GALNT13: variants seen among roughly 807,000 people sequenced by gnomAD.
GALNT13 encodes the protein UDP-GalNAc:polypeptide N-acetylgalactosaminyltransferase 13.
GALNT13 carries 28 observed loss-of-function variants against 64.2 expected under a neutral mutation model. The ratio of observed to expected loss-of-function variants is 0.44; its 90% CI spans 0.32 to 0.60. The LOEUF is 0.60. GALNT13 is among the 20% of genes least tolerant of loss of function. GALNT13 has a pLI of 0.05. For missense variants in GALNT13, 577 were observed against 669.8 expected (o/e 0.86, Z 1.53); for synonymous variants, 214 against 224.6 (o/e 0.95, Z 0.42).
At chr2:153,606,574 G>A in the GALNT13 span, among the ~76,000 whole-genome samples, 14 of 152,044 alleles carry the variant, frequency 9.2e-5, no homozygotes, top group Non-Finnish European at 1.8e-4. Context: ...ATGTGGCCCA[G>A]GGAGGCCAAA....
chr2:153,089,309 C>T, the GALNT13 span, among the ~76,000 whole-genome samples: 1 of 152,168 alleles, frequency 6.6e-6, no homozygotes, highest in Non-Finnish European at 1.5e-5. Flanking sequence ...ACCCCAGTCC[C>T]TTCTGGCTTG....
chr2:154,013,174 G>A (rs1696760936), intron 3 of GALNT13, among the ~76,000 whole-genome samples: 1 of 150,810 alleles, frequency 6.6e-6, no homozygotes, highest in Non-Finnish European at 1.5e-5. Context: ...ATCTTTCTGG[G>A]CTGATGTTCT....
the GALNT13 span, among the ~76,000 whole-genome samples, chr2:153,791,907 T>C: frequency 6.6e-6 from 1 of 152,038 alleles, no homozygotes; most frequent in Admixed American, 6.6e-5. Context: ...TACTGGAGCA[T>C]ACTTGAGGGT....
the GALNT13 span, among the ~76,000 whole-genome samples, chr2:153,546,251 A>G: frequency 5.3e-5 from 8 of 152,226 alleles, no homozygotes; most frequent in African/African-American, 1.9e-4. Flanking sequence ...GCTTAGAATG[A>G]AATTAAATGG....
the GALNT13 span, among the ~76,000 whole-genome samples, chr2:153,267,331 C>T: frequency 1.3e-5 from 2 of 152,180 alleles, no homozygotes; most frequent in African/African-American, 2.4e-5. Context: ...CTCTGCATTG[C>T]CCTAGTAGAG....
chr2:154,096,874 A>C (rs960474621), intron 3 of GALNT13, among the ~76,000 whole-genome samples: 1 of 152,046 alleles, frequency 6.6e-6, no homozygotes, highest in Non-Finnish European at 1.5e-5. Context: ...GCTTATTAAG[A>C]GGGCAAAATT....
chr2:153,439,647 C>T, the GALNT13 span, among the ~76,000 whole-genome samples: 16 of 152,110 alleles, frequency 1.1e-4, no homozygotes, highest in Non-Finnish European at 1.8e-4. Flanking sequence ...CCTGGTGTGC[C>T]GTTTGTTAAG....
In GALNT13 at chr2:153,882,631, CT is replaced by C. The variant is rs113940624; in HGVS notation, c.-177+10342del. On this transcript the variant is annotated intron_variant, in intron 1 of 12. Coordinates refer to ENST00000392825, the MANE Select transcript of GALNT13 (RefSeq NM_052917.4). ...ACTTTTTATTCCTTTATATTCTTTA[CT>C]TTTTTTTTTTTTTCTTGAGCCAGGG... is the stretch of plus-strand genomic sequence containing the variant. Among the ~76,000 whole-genome samples the C allele has an allele frequency of 2.5e-3, 358 of 143,462 alleles. 1 individual carries two copies. The highest frequency in any genetic ancestry group is 5.3e-3 in the African/African-American group (211 of 39,462). The allele number at this position is 143,462 out of a possible 152,430, so 94.1% of individuals were successfully genotyped here.
the GALNT13 span, among the ~76,000 whole-genome samples, chr2:153,196,931 T>C: frequency 6.6e-6 from 1 of 152,180 alleles, no homozygotes; most frequent in Middle Eastern, 3.2e-3. Flanking sequence ...GCAGTGGCAG[T>C]GGCCACTACA....
At position 154,054,150 on chromosome 2, in the gene GALNT13, C is replaced by A. The variant is rs756180114; in HGVS notation, c.143-86187C>A. Among the ~76,000 whole-genome samples the A allele has an allele frequency of 5.9e-4, 90 of 151,874 alleles. 1 individual carries two copies. Among genetic ancestry groups the A allele is most frequent in the Non-Finnish European group, 7.2e-4 (49 of 67,900 alleles). ...AACACATTTACTCTTAATATTTTAT[C>A]TTTTGAGTCTATATTATGCTGATGG... On this transcript the variant is annotated intron_variant, in intron 3 of 12. Coordinates refer to ENST00000392825, the MANE Select transcript of GALNT13 (RefSeq NM_052917.4).
At chr2:153,121,725 G>C in the GALNT13 span, among the ~76,000 whole-genome samples, 2 of 151,964 alleles carry the variant, frequency 1.3e-5, no homozygotes, top group Middle Eastern at 3.2e-3. Flanking sequence ...GTAGAGACAG[G>C]GTTTCACCAT....
chr2:153,235,531 G>T, the GALNT13 span, among the ~76,000 whole-genome samples: 2 of 152,048 alleles, frequency 1.3e-5, no homozygotes, highest in Admixed American at 1.3e-4. Context: ...TACATGTATC[G>T]CATGCCTCAC....
chr2:154,122,347 A>G (rs992220914), intron 3 of GALNT13, among the ~76,000 whole-genome samples: 6 of 151,754 alleles, frequency 4.0e-5, no homozygotes, highest in Non-Finnish European at 5.9e-5. Context: ...TTTGTCAAGG[A>G]TTTCTGTGTC....
the GALNT13 span, among the ~76,000 whole-genome samples, chr2:153,493,768 G>A: frequency 6.6e-6 from 1 of 151,772 alleles, no homozygotes; most frequent in African/African-American, 2.4e-5. Flanking sequence ...AGCCAACAAT[G>A]TATGAAAAGG....
At chr2:154,429,197 A>C (rs1700603956) in intron 11 of GALNT13, among the ~76,000 whole-genome samples, 1 of 152,184 alleles carries the variant, frequency 6.6e-6, no homozygotes, top group South Asian at 2.1e-4. Flanking sequence ...TTAAATCAAA[A>C]GCTATAAAAG....
At chr2:153,147,521 G>A in the GALNT13 span, among the ~76,000 whole-genome samples, 1 of 150,546 alleles carries the variant, frequency 6.6e-6, no homozygotes, top group Non-Finnish European at 1.5e-5. Flanking sequence ...ATTCTCTTCA[G>A]GAGTTCAGGA....
chr2:154,099,781 T>A (rs939546035), intron 3 of GALNT13, among the ~76,000 whole-genome samples: 2 of 152,036 alleles, frequency 1.3e-5, no homozygotes, highest in African/African-American at 4.8e-5. Context: ...CTACAAAAAA[T>A]TTTAAGAAAT....
At chr2:154,374,339 C>A (rs1180385004) in intron 9 of GALNT13, among the ~76,000 whole-genome samples, 1 of 152,064 alleles carries the variant, frequency 6.6e-6, no homozygotes, top group Non-Finnish European at 1.5e-5. Flanking sequence ...CTTAATTAAG[C>A]ACTATTGCCT....
intron 3 of GALNT13, among the ~76,000 whole-genome samples, chr2:154,099,330 G>A (rs911961368): frequency 2.6e-5 from 4 of 152,022 alleles, no homozygotes; most frequent in African/African-American, 9.7e-5. Flanking sequence ...TTTAGTCAGA[G>A]GCATAATTTG....
Sources: gnomAD v4.1 joint callset for allele counts (sites outside exome capture counted in the v4.1 genomes callset) on GRCh38, gnomAD v4.1.1 for gene constraint, MANE v1.5 for transcripts, NCBI Gene and HGNC (gene_info 2026-07-23, HGNC 2026-07-21) for gene names.